The following USP18 variants were observed in gnomAD, a reference collection of about 807,000 sequenced individuals.
The protein encoded by USP18 is ubiquitin specific peptidase 18.
A neutral mutation model predicts 48.7 loss-of-function variants in USP18; 11 were observed. The observed-to-expected ratio is 0.23, with a 90% CI of 0.14 to 0.37. The LOEUF is 0.37. USP18 is among the 10% of genes least tolerant of loss of function. The pLI, the probability that USP18 is intolerant of heterozygous loss-of-function variation, is 1.00. For synonymous variants in USP18, 114 were observed against 163.2 expected (o/e 0.70, Z 2.30); for missense variants, 285 against 436.4 (o/e 0.65, Z 3.09).
At chr22:18,154,866 T>C (rs1929088259) in intron 1 of USP18, among the ~76,000 whole-genome samples, 1 of 152,228 alleles carries the variant, frequency 6.6e-6, no homozygotes, top group Non-Finnish European at 1.5e-5. Context: ...CATAGGTACC[T>C]AAGCCAGTCT....
intron 2 of USP18, among the ~76,000 whole-genome samples, chr22:18,159,568 G>C (rs1323162355): frequency 6.6e-6 from 1 of 151,240 alleles, no homozygotes; most frequent in Non-Finnish European, 1.5e-5. Context: ...CATGATCTTG[G>C]CTCACTGCAA....
intron 1 of USP18, among the ~76,000 whole-genome samples, chr22:18,152,803 T>G (rs1001250944): frequency 4.6e-5 from 7 of 152,174 alleles, no homozygotes; most frequent in Non-Finnish European, 8.8e-5. Flanking sequence ...TGCTGTATTT[T>G]GTTTCCCTTT....
In USP18 at chr22:18,157,681, G is replaced by T. The variant is rs1260304229; in HGVS notation, c.18G>T (p.Gly6=). 1.2e-6 allele frequency: 2 copies of T among 1,614,114 alleles called. No homozygotes were observed. Reference sequence around the variant, plus strand: ...GATCACGAATGAGCAAGGCGTTTGGGCTCCTGAGGCAAATCTGTCAGTCCA... The same window carrying T: ...GATCACGAATGAGCAAGGCGTTTGGTCTCCTGAGGCAAATCTGTCAGTCCA... MSKAF[G]LLRQICQSIL... The change falls in exon 2 of 11, where the codon GGG becomes GGT. Residue 6 remains glycine (G), a synonymous_variant. Coordinates refer to ENST00000215794, the MANE Select transcript of USP18 (RefSeq NM_017414.4).
chr22:18,167,359 C>A, intron 5 of USP18, 25 bp downstream of exon 5: 1 of 1,612,426 alleles, frequency 6.2e-7, no homozygotes, highest in South Asian at 1.1e-5. Flanking sequence ...CCAGAGCACT[C>A]GGAAGCTTAA....
rs975991169 is a variant in USP18 at position 18,173,343 on chromosome 22, G to C, written c.1023+62G>C. 5.7e-6 allele frequency: 9 copies of C among 1,584,624 alleles called. No homozygotes were observed. In the South Asian group the frequency reaches 7.1e-5, roughly 12 times the overall value. On this transcript the variant is annotated intron_variant, in intron 9 of 10. Coordinates refer to ENST00000215794, the MANE Select transcript of USP18 (RefSeq NM_017414.4). ...ATTGGCCACCTCTAGCAAATGCTGGGCTCAGGGCTGCGTGGGTCTCTGAGA... is the reference window on the plus strand; with the variant it reads ...ATTGGCCACCTCTAGCAAATGCTGGCCTCAGGGCTGCGTGGGTCTCTGAGA...
In USP18 at chr22:18,173,626, A is replaced by G. The variant is rs78726332; in HGVS notation, c.1024-167A>G. Among the ~76,000 whole-genome samples, 245 of 152,302 alleles carry G rather than the reference A, an allele frequency of 1.6e-3. 2 individuals are homozygous for G. Among genetic ancestry groups the G allele is most frequent in the African/African-American group, 5.1e-3 (212 of 41,580 alleles). ...CAAGTTTAAACACAGGGACAAGGGC[A>G]CTAAACATACTTCATTGCACAAGAC... On this transcript the variant is annotated intron_variant, in intron 9 of 10. Coordinates refer to ENST00000215794, the MANE Select transcript of USP18 (RefSeq NM_017414.4).
chr22:18,160,824 C>T (rs1004443374), intron 3 of USP18, among the ~76,000 whole-genome samples: 3 of 140,750 alleles, frequency 2.1e-5, no homozygotes, highest in Non-Finnish European at 3.0e-5. Flanking sequence ...GGCTGGAGTG[C>T]GACGGTGCAA....
chr22:18,157,787 A>G lies in USP18; in HGVS notation c.124A>G (p.Arg42Gly). 5 of 1,614,170 alleles carry G rather than the reference A, an allele frequency of 3.1e-6. No homozygotes were observed. The highest frequency in any genetic ancestry group is 4.2e-6 in the Non-Finnish European group (5 of 1,180,026). ...CAGCAACATGAAGAGAGAGCAGCCC[A>G]GAGAGCGTCCCAGGGCCTGGGACTA... ...EDSNMKREQP[R>G]ERPRAWDYPH... Residue 42 changes from arginine (R) to glycine (G), a missense_variant, in exon 2 of 11, where the codon AGA (arginine) becomes GGA (glycine). By Grantham distance (125) the Arg-to-Gly change is moderately radical. Around this residue, in one of 5 missense-constraint regions of USP18, gnomAD observed 199 missense variants for 239.6 expected, o/e 0.83. Coordinates refer to ENST00000215794, the MANE Select transcript of USP18 (RefSeq NM_017414.4).
intron 1 of USP18, among the ~76,000 whole-genome samples, chr22:18,156,460 C>G (rs2123727501): frequency 6.6e-6 from 1 of 152,306 alleles, no homozygotes; most frequent in South Asian, 2.1e-4. Flanking sequence ...CCTTTATGAA[C>G]TGTAACACTC....
rs1173998286 is a variant in USP18, at chr22:18,167,879, C to G, written c.481-11C>G. On this transcript the variant is annotated splice_polypyrimidine_tract_variant and intron_variant, in intron 5 of 10. Coordinates refer to ENST00000215794, the MANE Select transcript of USP18 (RefSeq NM_017414.4). ...TGTTCCCATCTCACCTCTCCGCTCT[C>G]CCTCTTGCAGGTGGAGAGACTGCAG... is the stretch of plus-strand genomic sequence containing the variant. The G allele has an allele frequency of 6.2e-7, 1 of 1,611,986 alleles. No individual in the cohort carries two copies. Among genetic ancestry groups the G allele is most frequent in the Admixed American group, 1.7e-5 (1 of 59,974 alleles).
In USP18 at chr22:18,167,236, T is replaced by C. The variant is rs374617597; in HGVS notation, c.401-19T>C. 6.2e-7 allele frequency: 1 copy of C among 1,612,958 alleles called. No individual in the cohort carries two copies. Among genetic ancestry groups the C allele is most frequent in the Non-Finnish European group, 8.5e-7 (1 of 1,179,472 alleles). On this transcript the variant is annotated intron_variant, in intron 4 of 10. Coordinates refer to ENST00000215794, the MANE Select transcript of USP18 (RefSeq NM_017414.4). ...TCTGAAGACCTCACTAATTGGCTGT[T>C]CCTTTTCTCTGTGGCCAGTGTTTGT...
intron 2 of USP18, among the ~76,000 whole-genome samples, chr22:18,159,217 G>A (rs769758331): frequency 6.6e-6 from 1 of 151,852 alleles, no homozygotes; most frequent in Non-Finnish European, 1.5e-5. Context: ...CACCACACCC[G>A]GCTAATTTTT....
intron 4 of USP18, among the ~76,000 whole-genome samples, chr22:18,163,636 C>T (rs867302508): frequency 6.7e-6 from 1 of 149,436 alleles, no homozygotes; most frequent in African/African-American, 2.5e-5. Flanking sequence ...GAGCAAGACT[C>T]TGTCTCAGAA....
At chr22:18,167,026 A>G (rs1188825453) in intron 4 of USP18, among the ~76,000 whole-genome samples, 2 of 152,200 alleles carry the variant, frequency 1.3e-5, no homozygotes, top group Non-Finnish European at 2.9e-5. Context: ...GGCATGAGCC[A>G]CTACATCTGG....
rs375510238 is a variant in USP18 at position 18,167,886 on chromosome 22, G to T, written c.481-4G>T. On this transcript the variant is annotated splice_polypyrimidine_tract_variant and splice_region_variant and intron_variant, in intron 5 of 10. Coordinates refer to ENST00000215794, the MANE Select transcript of USP18 (RefSeq NM_017414.4). ...ATCTCACCTCTCCGCTCTCCCTCTT[G>T]CAGGTGGAGAGACTGCAGGCCCTGT... The T allele has an allele frequency of 4.3e-6, 7 of 1,612,270 alleles. No individual in the cohort carries two copies. The highest frequency in any genetic ancestry group is 5.9e-6 in the Non-Finnish European group (7 of 1,178,750).
At chr22:18,156,824 C>T (rs766685298) in intron 1 of USP18, among the ~76,000 whole-genome samples, 1 of 152,238 alleles carries the variant, frequency 6.6e-6, no homozygotes, top group Non-Finnish European at 1.5e-5. Flanking sequence ...GGGTCCACGG[C>T]TTCATTCTTG....
At chr22:18,171,670 A>G (rs1249887709) in intron 8 of USP18, among the ~76,000 whole-genome samples, 1 of 151,972 alleles carries the variant, frequency 6.6e-6, no homozygotes, top group Non-Finnish European at 1.5e-5. Context: ...AAAGACACAA[A>G]TATCTTTTTT....
In USP18 at chr22:18,160,165, C is replaced by A. The variant is rs750399498; in HGVS notation, c.158-7C>A. 6.2e-7 allele frequency: 1 copy of A among 1,613,886 alleles called. No individual in the cohort carries two copies. Among genetic ancestry groups the A allele is most frequent in the Non-Finnish European group, 8.5e-7 (1 of 1,179,858 alleles). On this transcript the variant is annotated splice_region_variant and splice_polypyrimidine_tract_variant and intron_variant, in intron 2 of 10. Transcript: ENST00000215794. ...GCCCTCAGCATTTTTTTCTCTTCCC[C>A]TTATAGGCCTGGTTGGTTTACACAA...
At chr22:18,175,020 T>C (rs191721966) in intron 10 of USP18, among the ~76,000 whole-genome samples, 1 of 151,760 alleles carries the variant, frequency 6.6e-6, no homozygotes, top group East Asian at 2.0e-4. Context: ...TTCATGCCAT[T>C]CTCCTGCCTC....
Sources: gnomAD v4.1 joint callset for allele counts (sites outside exome capture counted in the v4.1 genomes callset) on GRCh38, gnomAD v4.1.1 for gene constraint, gnomAD v4.1.1 regional missense constraint, MANE v1.5 for transcripts, NCBI Gene and HGNC (gene_info 2026-07-23, HGNC 2026-07-21) for gene names.